The following UGT1A8 variants were observed in gnomAD, a reference collection of about 807,000 sequenced individuals.
The protein encoded by UGT1A8 is UDP glucuronosyltransferase family 1 member A8.
Under a neutral mutation model 45.3 loss-of-function variants are expected in UGT1A8, and 39 were observed. The observed-to-expected ratio is 0.86, with a 90% CI of 0.67 to 1.12. The LOEUF (loss-of-function observed/expected upper bound fraction) is 1.12. UGT1A8 is among the 50% of genes most tolerant of loss of function. The pLI is 0.00. For synonymous variants in UGT1A8, 275 were observed against 249.2 expected, an observed-to-expected ratio of 1.10 and a Z score of -0.97; for missense variants, 719 against 664.9, an observed-to-expected ratio of 1.08 and a Z score of -0.90.
chr2:233,641,350 C>T (rs1025753585), intron 1 of UGT1A8, among the ~76,000 whole-genome samples: 28 of 152,154 alleles, frequency 1.8e-4, no homozygotes, highest in African/African-American at 6.8e-4. Context: ...CAACTTAACA[C>T]TATTTGCATA....
rs58597806 is a variant in UGT1A8, at chr2:233,672,700, G to A, written c.855+54138G>A. 9.5e-5 allele frequency: 153 copies of A among 1,613,898 alleles called. 3 individuals are homozygous for A. The East Asian group carries it at 3.4e-3, about 36-fold the overall frequency. The stretch of plus-strand genomic sequence containing the variant: ...CACATCAATTTGGTTGTTGCGAACG[G>A]ACTTTGTTTTGGACTATCCCAAACC... On this transcript the variant is annotated intron_variant, in intron 1 of 4. Coordinates refer to ENST00000373450, the MANE Select transcript of UGT1A8 (RefSeq NM_019076.5).
At chr2:233,674,155 G>A (rs2125505218) in intron 1 of UGT1A8, among the ~76,000 whole-genome samples, 1 of 152,224 alleles carries the variant, frequency 6.6e-6, no homozygotes, top group Non-Finnish European at 1.5e-5. Context: ...AGTAGACTTG[G>A]TAACACAGTC....
intron 1 of UGT1A8, chr2:233,760,643 ACT>A: frequency 6.2e-7 from 1 of 1,614,148 alleles, no homozygotes; most frequent in Non-Finnish European, 8.5e-7. Context: ...ATAAAAAAGG[ACT>A]CTGCTATGCT....
intron 1 of UGT1A8, among the ~76,000 whole-genome samples, chr2:233,669,117 C>A (rs879684221): frequency 5.9e-5 from 9 of 152,168 alleles, no homozygotes; most frequent in Non-Finnish European, 1.3e-4. Flanking sequence ...CACAGAATTG[C>A]CTGTGCACCT....
chr2:233,630,886 G>T (rs1224202200), intron 1 of UGT1A8, among the ~76,000 whole-genome samples: 3 of 147,622 alleles, frequency 2.0e-5, no homozygotes, highest in East Asian at 4.0e-4. Context: ...TGCAGAACAT[G>T]CAGGTTTGTT....
intron 1 of UGT1A8, among the ~76,000 whole-genome samples, chr2:233,624,228 A>T (rs2073058462): frequency 1.3e-5 from 2 of 152,032 alleles, no homozygotes; most frequent in Admixed American, 6.6e-5. Context: ...ACCACCTGAA[A>T]TGTAGTCATC....
chr2:233,634,215 T>C (rs1036777235), intron 1 of UGT1A8, among the ~76,000 whole-genome samples: 2 of 152,058 alleles, frequency 1.3e-5, no homozygotes, highest in Admixed American at 1.3e-4. Flanking sequence ...TTCTGAGGAG[T>C]GTTTTGCTTC....
In UGT1A8 at chr2:233,760,900, AC is replaced by A. The variant is rs1697605792; in HGVS notation, c.856-6132del. 3.1e-6 allele frequency: 5 copies of A among 1,613,652 alleles called. No individual in the cohort carries two copies. The highest frequency in any genetic ancestry group is 3.3e-5 in the Admixed American group (2 of 59,970). On this transcript the variant is annotated intron_variant, in intron 1 of 4. Coordinates refer to ENST00000373450, the MANE Select transcript of UGT1A8 (RefSeq NM_019076.5). The stretch of plus-strand genomic sequence containing the variant: ...TCTCTCCTCTCATTCAGATCACATG[AC>A]CTTCCTGCAGCGGGTGAAGAACATG...
intron 1 of UGT1A8, among the ~76,000 whole-genome samples, chr2:233,721,044 CT>C (rs1475591591): frequency 6.6e-6 from 1 of 151,954 alleles, no homozygotes; most frequent in Non-Finnish European, 1.5e-5. Context: ...GAATTGAGCC[CT>C]TTTTTGTCAT....
intron 1 of UGT1A8, among the ~76,000 whole-genome samples, chr2:233,633,008 C>T (rs567153093): frequency 7.4e-4 from 112 of 152,286 alleles, no homozygotes; most frequent in African/African-American, 2.6e-3. Flanking sequence ...TACGTTCCAT[C>T]AATAACTAGT....
intron 1 of UGT1A8, chr2:233,693,496 C>T (rs1360218156): frequency 8.1e-6 from 13 of 1,614,144 alleles, no homozygotes; most frequent in Non-Finnish European, 1.1e-5. Context: ...AGTATTTGGG[C>T]CTACCATCTG....
rs191504719 is a variant in UGT1A8, at chr2:233,687,329, T to G, written c.855+68767T>G. Among the ~76,000 whole-genome samples, 6 of 152,310 alleles carry G rather than the reference T, an allele frequency of 3.9e-5. No homozygotes were observed. In the East Asian group the frequency reaches 9.6e-4, roughly 24 times the overall value. The stretch of plus-strand genomic sequence containing the variant: ...GTTGTCTTCTTGATGCAAGTTTCCC[T>G]TGAATGATTTAAACTTCAGATGGGT... On this transcript the variant is annotated intron_variant, in intron 1 of 4. Transcript: ENST00000373450.
rs150934066 is a variant in UGT1A8 at position 233,719,055 on chromosome 2, G to A, written c.856-47979G>A. On this transcript the variant is annotated intron_variant, in intron 1 of 4. Coordinates refer to ENST00000373450, the MANE Select transcript of UGT1A8 (RefSeq NM_019076.5). ...AGAAGAGAAATTTTTCACCCTGACA[G>A]CCTATGCTGTTCCATGGACCCAGAA... 2,523 of 1,614,284 alleles carry A rather than the reference G, an allele frequency of 1.6e-3. 2 individuals carry two copies. Among genetic ancestry groups the A allele is most frequent in the Non-Finnish European group, 1.9e-3 (2,220 of 1,180,048 alleles).
At chr2:233,692,000 T>C (rs2075071935) in intron 1 of UGT1A8, 1 of 152,182 alleles carries the variant, frequency 6.6e-6, no homozygotes, top group Non-Finnish European at 1.5e-5. Flanking sequence ...GTAAAGGAGA[T>C]GTAAAGTCTC....
chr2:233,675,725 G>T (rs1384162647), intron 1 of UGT1A8, among the ~76,000 whole-genome samples: 1 of 152,002 alleles, frequency 6.6e-6, no homozygotes, highest in Non-Finnish European at 1.5e-5. Context: ...TCACTATTTT[G>T]CTCTACTAAT....
intron 1 of UGT1A8, chr2:233,689,768 C>T (rs950157324): frequency 9.8e-6 from 3 of 307,510 alleles, no homozygotes; most frequent in Non-Finnish European, 1.9e-5. Context: ...AAAAACAACT[C>T]GGGGACATAT....
intron 1 of UGT1A8, among the ~76,000 whole-genome samples, chr2:233,631,578 C>G (rs1177194531): frequency 6.6e-6 from 1 of 152,182 alleles, no homozygotes; most frequent in African/African-American, 2.4e-5. Flanking sequence ...TTGCATTTCT[C>G]TAATGACCAG....
chr2:233,760,386 C>A, intron 1 of UGT1A8: 1 of 1,614,180 alleles, frequency 6.2e-7, no homozygotes. Flanking sequence ...TACTGTTGAT[C>A]CCAGTGGATG....
chr2:233,652,506 A>G (rs1349583255), intron 1 of UGT1A8, among the ~76,000 whole-genome samples: 2 of 152,188 alleles, frequency 1.3e-5, no homozygotes, highest in African/African-American at 4.8e-5. Flanking sequence ...AAAAAGGAAA[A>G]TTTGTTACAT....
Sources: gnomAD v4.1 joint callset for allele counts (sites outside exome capture counted in the v4.1 genomes callset) on GRCh38, gnomAD v4.1.1 for gene constraint, MANE v1.5 for transcripts, NCBI Gene and HGNC (gene_info 2026-07-23, HGNC 2026-07-21) for gene names.